CFAP299: variants seen among roughly 807,000 people sequenced by gnomAD.
The protein encoded by CFAP299 is cilia and flagella associated protein 299, also known as cilia- and flagella-associated protein 299.
Under a neutral mutation model 27.0 loss-of-function variants are expected in CFAP299, and 21 were observed. The observed-to-expected ratio is 0.78, with a 90% CI of 0.55 to 1.12. CFAP299 has a LOEUF of 1.12. CFAP299 is among the 50% of genes most tolerant of loss of function. The probability of loss-of-function intolerance (pLI) is 0.00; values close to 1 mark genes in which losing one functional copy is unlikely to be tolerated. For synonymous variants in CFAP299, 104 were observed against 98.1 expected (o/e 1.06, Z -0.36); for missense variants, 310 against 276.6 (o/e 1.12, Z -0.86).
chr4:80,890,295 T>C (rs999309040), intron 4 of CFAP299, among the ~76,000 whole-genome samples: 1 of 151,776 alleles, frequency 6.6e-6, no homozygotes, highest in Non-Finnish European at 1.5e-5. Flanking sequence ...TGATACAAAA[T>C]CAACATATAA....
chr4:80,478,051 T>C (rs1057280002), intron 2 of CFAP299, among the ~76,000 whole-genome samples: 2 of 152,198 alleles, frequency 1.3e-5, no homozygotes, highest in African/African-American at 4.8e-5. Flanking sequence ...AACTCAAACA[T>C]TATTGCTCAT....
At chr4:80,473,176 C>G (rs925421853) in intron 2 of CFAP299, among the ~76,000 whole-genome samples, 1 of 151,994 alleles carries the variant, frequency 6.6e-6, no homozygotes, top group African/African-American at 2.4e-5. Flanking sequence ...ACCCCTAACT[C>G]AGGTGTTGTG....
At chr4:80,846,246 A>G (rs1412417755) in intron 3 of CFAP299, among the ~76,000 whole-genome samples, 1 of 152,212 alleles carries the variant, frequency 6.6e-6, no homozygotes, top group Non-Finnish European at 1.5e-5. Flanking sequence ...AAATCCTCCA[A>G]TGAGATGAGT....
chr4:80,722,396 A>C lies in CFAP299; in HGVS notation c.333+139213A>C, dbSNP rs544036330. ...CGTGCCATGGCACTCCAGCCTGGGC[A>C]ACAAGAGTGAAACTCCATCTCAAAA... On this transcript the variant is annotated intron_variant, in intron 3 of 5. Transcript: ENST00000358105. 1.9e-3 allele frequency among the ~76,000 whole-genome samples: 286 copies of C among 151,020 alleles called. 3 individuals are homozygous for C. Among genetic ancestry groups the C allele is most frequent in the Admixed American group, 8.9e-3 (136 of 15,206 alleles).
intron 3 of CFAP299, among the ~76,000 whole-genome samples, chr4:80,612,201 A>G (rs1488714432): frequency 6.6e-6 from 1 of 151,882 alleles, no homozygotes; most frequent in African/African-American, 2.4e-5. Flanking sequence ...TAATTTCTCT[A>G]TTTTTATACC....
intron 2 of CFAP299, among the ~76,000 whole-genome samples, chr4:80,444,725 C>G (rs1728532911): frequency 6.6e-6 from 1 of 152,138 alleles, no homozygotes; most frequent in African/African-American, 2.4e-5. Flanking sequence ...AAGAAACTAT[C>G]ATCAGAGTGA....
At chr4:80,579,576 A>G (rs1474476712) in intron 2 of CFAP299, among the ~76,000 whole-genome samples, 1 of 152,140 alleles carries the variant, frequency 6.6e-6, no homozygotes, top group Non-Finnish European at 1.5e-5. Context: ...CAAAATATTA[A>G]GAGTCCCATC....
intron 4 of CFAP299, among the ~76,000 whole-genome samples, chr4:80,930,354 A>G (rs2110218089): frequency 6.6e-6 from 1 of 152,258 alleles, no homozygotes; most frequent in East Asian, 1.9e-4. Context: ...GAGTTCTGTG[A>G]GCTGCCGTAG....
At chr4:80,436,089 A>T (rs542145746) in intron 2 of CFAP299, among the ~76,000 whole-genome samples, 8 of 152,284 alleles carry the variant, frequency 5.3e-5, no homozygotes, top group African/African-American at 1.4e-4. Flanking sequence ...CTTGGGTTGC[A>T]ACGTGGACAG....
chr4:80,624,561 AC>A (rs1401463647), intron 3 of CFAP299, among the ~76,000 whole-genome samples: 12 of 152,018 alleles, frequency 7.9e-5, no homozygotes, highest in Non-Finnish European at 1.3e-4. Flanking sequence ...GGGGTAAGAA[AC>A]CTTTTTAGAG....
At chr4:80,925,726 G>A (rs971405643) in intron 4 of CFAP299, among the ~76,000 whole-genome samples, 5 of 152,010 alleles carry the variant, frequency 3.3e-5, no homozygotes, top group African/African-American at 1.2e-4. Flanking sequence ...CAAAAGAGAA[G>A]CTGATGCTGA....
intron 2 of CFAP299, among the ~76,000 whole-genome samples, chr4:80,498,645 G>A (rs910432521): frequency 1.3e-5 from 2 of 152,136 alleles, no homozygotes; most frequent in African/African-American, 4.8e-5. Flanking sequence ...ACCACTAGTG[G>A]TAATATGAAT....
chr4:80,321,987 G>C, the CFAP299 span, among the ~76,000 whole-genome samples: 3 of 152,138 alleles, frequency 2.0e-5, no homozygotes, highest in East Asian at 3.9e-4. Flanking sequence ...AAGGACAGGT[G>C]CCCTGCCTGG....
intron 3 of CFAP299, among the ~76,000 whole-genome samples, chr4:80,804,667 T>C (rs1303646524): frequency 6.6e-6 from 1 of 152,190 alleles, no homozygotes; most frequent in Non-Finnish European, 1.5e-5. Context: ...TTAAAGTCTA[T>C]TTTGTGTGAT....
chr4:80,639,351 T>C (rs1031887686), intron 3 of CFAP299, among the ~76,000 whole-genome samples: 2 of 152,156 alleles, frequency 1.3e-5, no homozygotes, highest in African/African-American at 4.8e-5. Flanking sequence ...AAATGAAATT[T>C]AGGTGAGGCC....
intron 3 of CFAP299, among the ~76,000 whole-genome samples, chr4:80,844,180 T>A (rs1487894074): frequency 2.0e-5 from 3 of 152,278 alleles, no homozygotes; most frequent in Admixed American, 2.0e-4. Context: ...TGGTTCCAAG[T>A]CTTTGCTATT....
At chr4:80,651,934 G>A (rs2109970751) in intron 3 of CFAP299, among the ~76,000 whole-genome samples, 1 of 152,116 alleles carries the variant, frequency 6.6e-6, no homozygotes, top group East Asian at 1.9e-4. Context: ...ATGTCTTGCG[G>A]TTAATTATTT....
chr4:80,481,250 GTTGTTTCTGGAAATTTTTCAT>G (rs1730552701), intron 2 of CFAP299, among the ~76,000 whole-genome samples: 2 of 151,968 alleles, frequency 1.3e-5, no homozygotes, highest in South Asian at 4.1e-4. Flanking sequence ...TTCCTAGTTG[GTTGTTTCTGGAAATTTTTCAT>G]ATGCCACAAA....
chr4:80,509,991 T>C (rs753849787), intron 2 of CFAP299, among the ~76,000 whole-genome samples: 21 of 152,126 alleles, frequency 1.4e-4, no homozygotes, highest in Non-Finnish European at 2.8e-4. Context: ...ACCTGTGTCA[T>C]TGCAGAGTCC....
Sources: allele counts gnomAD v4.1 joint callset (sites outside exome capture counted in the v4.1 genomes callset), GRCh38; gene constraint gnomAD v4.1.1; transcripts MANE v1.5; gene names NCBI Gene and HGNC (gene_info 2026-07-23, HGNC 2026-07-21).